The following DCAF10 variants were observed in gnomAD, a reference collection of about 807,000 sequenced individuals.
DCAF10 encodes the protein DDB1 and CUL4 associated factor 10.
In DCAF10, 19 loss-of-function variants were observed where a neutral mutation model predicts 51.9. The observed-to-expected ratio is 0.37, with a 90% CI of 0.26 to 0.54. The LOEUF (loss-of-function observed/expected upper bound fraction) is 0.54. Ranked by LOEUF, DCAF10 falls within the 20% of genes least tolerant of loss-of-function variation. DCAF10 has a pLI of 0.87. For missense variants in DCAF10, 510 were observed against 730.6 expected (o/e 0.70, Z 3.48); for synonymous variants, 291 against 297.1 (o/e 0.98, Z 0.21).
intron 1 of DCAF10, among the ~76,000 whole-genome samples, chr9:37,808,630 TATA>T (rs1477570653): frequency 5.5e-5 from 2 of 36,106 alleles, no homozygotes; most frequent in Non-Finnish European, 9.9e-5. Flanking sequence ...ATTTATATAA[TATA>T]ATATAAAAAT....
intron 1 of DCAF10, among the ~76,000 whole-genome samples, chr9:37,817,489 T>A (rs1264340040): frequency 1.3e-5 from 2 of 152,130 alleles, no homozygotes; most frequent in African/African-American, 4.8e-5. Flanking sequence ...TCCCAGTTAC[T>A]CTGGAGGCTG....
chr9:37,838,579 C>A (rs1372217525), intron 2 of DCAF10, among the ~76,000 whole-genome samples: 2 of 152,038 alleles, frequency 1.3e-5, no homozygotes, highest in African/African-American at 4.8e-5. Context: ...AATCCAAACA[C>A]CCAAAAATTG....
intron 3 of DCAF10, among the ~76,000 whole-genome samples, chr9:37,851,732 T>C (rs973909891): frequency 1.3e-5 from 2 of 151,254 alleles, no homozygotes; most frequent in Non-Finnish European, 3.0e-5. Flanking sequence ...GAGGCAGAGG[T>C]TGCAGTGAGC....
chr9:37,826,334 G>A (rs1829851193), intron 2 of DCAF10, among the ~76,000 whole-genome samples: 1 of 152,170 alleles, frequency 6.6e-6, no homozygotes, highest in African/African-American at 2.4e-5. Context: ...ATGAGAATTA[G>A]AACAAAATGG....
At chr9:37,850,827 T>C (rs1166593251) in intron 3 of DCAF10, among the ~76,000 whole-genome samples, 1 of 66,080 alleles carries the variant, frequency 1.5e-5, no homozygotes, top group Non-Finnish European at 2.7e-5. Context: ...GGATATATTT[T>C]ATATATATAT....
At chr9:37,804,361 T>C (rs975183099) in intron 1 of DCAF10, among the ~76,000 whole-genome samples, 40 of 152,068 alleles carry the variant, frequency 2.6e-4, no homozygotes, top group African/African-American at 9.7e-4. Flanking sequence ...AGCTGAGAAC[T>C]TTCCAGAATT....
intron 3 of DCAF10, among the ~76,000 whole-genome samples, chr9:37,849,764 C>G (rs985016073): frequency 5.9e-5 from 9 of 152,024 alleles, no homozygotes; most frequent in Non-Finnish European, 8.8e-5. Flanking sequence ...CCTGTAATCC[C>G]AGCTACTCAG....
chr9:37,843,546 C>T (rs1369711589), intron 3 of DCAF10, among the ~76,000 whole-genome samples: 1 of 151,888 alleles, frequency 6.6e-6, no homozygotes, highest in Non-Finnish European at 1.5e-5. Flanking sequence ...ACTAATAAAA[C>T]ATGATCAATC....
At chr9:37,824,554 T>TA (rs376501048) in intron 2 of DCAF10, among the ~76,000 whole-genome samples, 44 of 140,088 alleles carry the variant, frequency 3.1e-4, no homozygotes, top group East Asian at 6.3e-4. Flanking sequence ...TTTAAAAAAG[T>TA]AAAAAAAAAA....
intron 2 of DCAF10, 109 bp downstream of exon 2, chr9:37,819,510 G>A (rs1829642664): frequency 4.6e-6 from 3 of 653,360 alleles, no homozygotes; most frequent in Non-Finnish European, 7.7e-6. Context: ...ACTGCTAGAT[G>A]ATCCACATTG....
chr9:37,842,194 T>C lies in DCAF10; in HGVS notation c.759T>C (p.Thr253=), dbSNP rs765313042. Residue 253 remains threonine, a synonymous_variant, in exon 3 of 7, where the codon ACT becomes ACC. Transcript: ENST00000377724. ...NTKVCTLHGH[T]SWVKNIEYDT... Reference sequence around the variant, plus strand: ...AAGTATGCACTTTACATGGTCACACTAGCTGGGTGAAGAACATCGAATATG... The same window carrying C: ...AAGTATGCACTTTACATGGTCACACCAGCTGGGTGAAGAACATCGAATATG... The C allele has an allele frequency of 6.2e-7, 1 of 1,613,960 alleles. No homozygotes were observed.
At position 37,862,461 on chromosome 9, in the gene DCAF10, A is replaced by T. The variant is rs1831044013; in HGVS notation, c.*953A>T. ...GATGTGTTAACAGTATTAGGGTGGAAGAGGAATCAAGAGTAAAGAGGTAGG... is the reference window on the plus strand; with the variant it reads ...GATGTGTTAACAGTATTAGGGTGGATGAGGAATCAAGAGTAAAGAGGTAGG... On this transcript the variant is annotated 3_prime_UTR_variant, in exon 7 of 7. Coordinates refer to ENST00000377724, the MANE Select transcript of DCAF10 (RefSeq NM_024345.5). 6.6e-6 allele frequency: 1 copy of T among 152,222 alleles called. No homozygotes were observed. The highest frequency in any genetic ancestry group is 1.5e-5 in the Non-Finnish European group (1 of 68,028). The allele number at this position is 152,222 out of a possible 1,614,324, so 9.4% of individuals were successfully genotyped here. A position where few individuals can be genotyped will look rare whatever the true frequency, so the allele number is the denominator to read the frequency against.
rs557656806 is a variant in DCAF10, at chr9:37,807,272, G to A, written c.539+5867G>A. Among the ~76,000 whole-genome samples the A allele has an allele frequency of 2.0e-3, 309 of 152,186 alleles. 4 individuals carry two copies. The highest frequency in any genetic ancestry group is 1.3e-3 in the Non-Finnish European group (90 of 68,010). ...TGAAGGTGGAGGATTGCTTGAGCTC[G>A]AGTTCAAGACCAGCTGGGGCAACAT... On this transcript the variant is annotated intron_variant, in intron 1 of 6. Transcript: ENST00000377724.
chr9:37,848,131 A>G (rs756027755), intron 3 of DCAF10, among the ~76,000 whole-genome samples: 1 of 152,224 alleles, frequency 6.6e-6, no homozygotes, highest in Non-Finnish European at 1.5e-5. Flanking sequence ...GGGAATGTAA[A>G]ATGGAATAGC....
At chr9:37,855,700 C>T (rs1747618) in intron 4 of DCAF10, among the ~76,000 whole-genome samples, 52,160 of 151,810 alleles carry the variant, frequency 0.34, 9,234 homozygotes, top group Non-Finnish European at 0.39. Flanking sequence ...TAATAAATTG[C>T]TATTAAAAGG....
At chr9:37,818,240 C>A (rs1037530652) in intron 1 of DCAF10, among the ~76,000 whole-genome samples, 4 of 152,180 alleles carry the variant, frequency 2.6e-5, no homozygotes, top group Admixed American at 6.5e-5. Context: ...GTGATCCACC[C>A]ACCTCGGTCT....
At position 37,861,576 on chromosome 9, in the gene DCAF10, G is replaced by A; in HGVS notation, c.*68G>A. 1.3e-6 allele frequency: 2 copies of A among 1,529,730 alleles called. No homozygotes were observed. The highest frequency in any genetic ancestry group is 8.8e-7 in the Non-Finnish European group (1 of 1,141,190). The allele number at this position is 1,529,730 out of a possible 1,614,324, so 94.8% of individuals were successfully genotyped here. ...TAGGAATTGCTTCAATTTAGATGAAGTATTTTCTTTTTAGAAGATCTTATA... is the reference window on the plus strand; with the variant it reads ...TAGGAATTGCTTCAATTTAGATGAAATATTTTCTTTTTAGAAGATCTTATA... On this transcript the variant is annotated 3_prime_UTR_variant, in exon 7 of 7. Transcript: ENST00000377724. This position sits in a 1 kb window ranked among gnomAD's most constrained non-coding sequence, Gnocchi z 4.9.
In DCAF10 at chr9:37,860,181, T is replaced by C; in HGVS notation, c.1299T>C (p.Ser433=). 1 of 1,614,084 alleles carries C rather than the reference T, an allele frequency of 6.2e-7. No homozygotes were observed. The highest frequency in any genetic ancestry group is 8.5e-7 in the Non-Finnish European group (1 of 1,179,992). The change falls in exon 6 of 7, where the codon AGT becomes AGC. Residue 433 remains serine, a synonymous_variant. Transcript: ENST00000377724. ...WATLLRCSSN[S]DDEECTCVYE... is the part of the protein sequence containing the mutation. ...CTCTTCTTCGGTGCTCAAGCAACAG[T>C]GATGATGAGGAGGTACAGGCAGCAG...
chr9:37,837,500 G>T (rs1830204951), intron 2 of DCAF10, among the ~76,000 whole-genome samples: 1 of 151,010 alleles, frequency 6.6e-6, no homozygotes, highest in African/African-American at 2.4e-5. Context: ...GCAAAGCATA[G>T]GTAAATATTT....
Sources: allele counts gnomAD v4.1 joint callset (sites outside exome capture counted in the v4.1 genomes callset), GRCh38; gene constraint gnomAD v4.1.1; non-coding constraint Gnocchi (gnomAD v3.1); transcripts MANE v1.5; gene names NCBI Gene and HGNC (gene_info 2026-07-23, HGNC 2026-07-21).